The following SLC25A12 variants were observed in gnomAD, a reference collection of about 807,000 sequenced individuals.
SLC25A12 encodes the protein solute carrier family 25 member 12.
A neutral mutation model predicts 83.3 loss-of-function variants in SLC25A12; 32 were observed. That is an observed-to-expected ratio of 0.38 (90% CI 0.29 to 0.52). The LOEUF is 0.52. Among genes scored for constraint, SLC25A12 ranks in the 20% least tolerant of loss-of-function variants. The pLI is 0.84. For synonymous variants in SLC25A12, 267 were observed against 291.1 expected (o/e 0.92, Z 0.84); for missense variants, 611 against 835.6 (o/e 0.73, Z 3.31).
At position 171,793,644 on chromosome 2, in the gene SLC25A12, T is replaced by C. The variant is rs369912240; in HGVS notation, c.1429A>G (p.Ile477Val). Residue 477 changes from isoleucine to valine, a missense_variant, in exon 14 of 18, where the codon ATT becomes GTT. Ile to Val is a conservative substitution (Grantham distance 29, BLOSUM62 3). Around this residue, in one of 3 missense-constraint regions of SLC25A12, gnomAD observed 540 missense variants for 777.5 expected, o/e 0.69. Coordinates refer to ENST00000422440, the MANE Select transcript of SLC25A12 (RefSeq NM_003705.5). ...CTACCCACCTTATACAGACCAAAAA[T>C]TCCCAAGTCCCGGAGCACATTCAGG... is the stretch of plus-strand genomic sequence containing the variant. The part of the protein sequence containing the change: ...SALNVLRDLG[I>V]FGLYKGAKAC... 11 of 1,614,046 alleles carry C rather than the reference T, an allele frequency of 6.8e-6. No homozygotes were observed. The African/African-American group carries it at 1.3e-4, about 20-fold the overall frequency.
At chr2:171,850,598 C>T (rs1303120767) in intron 4 of SLC25A12, among the ~76,000 whole-genome samples, 1 of 152,118 alleles carries the variant, frequency 6.6e-6, no homozygotes, top group Non-Finnish European at 1.5e-5. Flanking sequence ...AACTCCTGAT[C>T]TTGTGATCCA....
chr2:171,856,790 C>T (rs1685056225), intron 3 of SLC25A12: 4 of 151,766 alleles, frequency 2.6e-5, no homozygotes, highest in Admixed American at 1.3e-4. Context: ...CAAGATAATC[C>T]GGGAAATGGA....
intron 9 of SLC25A12, among the ~76,000 whole-genome samples, chr2:171,816,831 T>C (rs1684059079): frequency 6.6e-6 from 1 of 152,236 alleles, no homozygotes; most frequent in African/African-American, 2.4e-5. Context: ...TAATCTCATA[T>C]ACTTTGAAGG....
intron 3 of SLC25A12, among the ~76,000 whole-genome samples, chr2:171,865,216 T>C (rs761502394): frequency 1.3e-5 from 2 of 152,254 alleles, no homozygotes; most frequent in Non-Finnish European, 2.9e-5. Context: ...GAACTCGTTC[T>C]GCTCAGATTA....
At chr2:171,789,609 G>A (rs538122320) in intron 15 of SLC25A12, among the ~76,000 whole-genome samples, 4 of 152,250 alleles carry the variant, frequency 2.6e-5, no homozygotes, top group South Asian at 2.1e-4. Flanking sequence ...CCAACACTCC[G>A]AAAAGACAAA....
At position 171,787,941 on chromosome 2, in the gene SLC25A12, G is replaced by T. The variant is rs1179949764; in HGVS notation, c.1592C>A (p.Pro531Gln). Residue 531 changes from proline (P) to glutamine (Q), a missense_variant, in exon 16 of 18, where the codon CCA becomes CAA. This residue lies in a region of SLC25A12 where 540 missense variants were observed against 777.5 expected (regional missense o/e 0.69). Coordinates refer to ENST00000422440, the MANE Select transcript of SLC25A12 (RefSeq NM_003705.5). ...LLAAGAMAGV[P>Q]AASLVTPADV... The stretch of plus-strand genomic sequence containing the variant: ...AGCAGGGGTCACCAGAGATGCAGCT[G>T]GGACACCTTTCAGGAGAAAACCACA... 1 of 1,614,058 alleles carries T rather than the reference G, an allele frequency of 6.2e-7. No individual in the cohort carries two copies. The highest frequency in any genetic ancestry group is 2.2e-5 in the East Asian group (1 of 44,902).
intron 3 of SLC25A12, among the ~76,000 whole-genome samples, chr2:171,861,676 G>A (rs747786700): frequency 1.3e-5 from 2 of 152,152 alleles, no homozygotes; most frequent in Non-Finnish European, 2.9e-5. Context: ...CCAAAGTGCT[G>A]GGATCATAGG....
chr2:171,840,019 A>C (rs1684638778), intron 5 of SLC25A12, among the ~76,000 whole-genome samples: 3 of 152,188 alleles, frequency 2.0e-5, no homozygotes, highest in Admixed American at 2.0e-4. Context: ...GAGAGGGAGA[A>C]TACTACAGTG....
At chr2:171,853,156 T>C (rs1164430083) in intron 4 of SLC25A12, among the ~76,000 whole-genome samples, 1 of 152,156 alleles carries the variant, frequency 6.6e-6, no homozygotes, top group African/African-American at 2.4e-5. Flanking sequence ...AGACTACAGG[T>C]ATGCGCCACT....
intron 3 of SLC25A12, among the ~76,000 whole-genome samples, chr2:171,867,900 AGTGGCGCAAT>A (rs1328280847): frequency 6.6e-6 from 1 of 152,188 alleles, no homozygotes; most frequent in Non-Finnish European, 1.5e-5. Context: ...GCTAGAGTGC[AGTGGCGCAAT>A]CTCGGCGCAC....
chr2:171,876,633 T>C (rs1685580926), intron 2 of SLC25A12, among the ~76,000 whole-genome samples: 1 of 151,838 alleles, frequency 6.6e-6, no homozygotes, highest in Admixed American at 6.6e-5. Flanking sequence ...GCTAAGTTTT[T>C]CAGTTTTTAT....
At chr2:171,829,601 G>A (rs546608169) in intron 8 of SLC25A12, among the ~76,000 whole-genome samples, 5 of 152,108 alleles carry the variant, frequency 3.3e-5, no homozygotes, top group Middle Eastern at 3.2e-3. Context: ...AGCAGGAGCC[G>A]AGGGGCTGGT....
At chr2:171,807,072 G>A (rs1683848833) in intron 13 of SLC25A12, among the ~76,000 whole-genome samples, 1 of 152,188 alleles carries the variant, frequency 6.6e-6, no homozygotes, top group African/African-American at 2.4e-5. Context: ...AGTGAATTAT[G>A]TTTTAACAAT....
At position 171,834,839 on chromosome 2, in the gene SLC25A12, C is replaced by T; in HGVS notation, c.639G>A (p.Gln213=). 1 of 1,613,856 alleles carries T rather than the reference C, an allele frequency of 6.2e-7. No homozygotes were observed. Among genetic ancestry groups the T allele is most frequent in the Non-Finnish European group, 8.5e-7 (1 of 1,179,918 alleles). The change falls in exon 7 of 18, where the codon CAG becomes CAA. Residue 213 remains glutamine, a synonymous_variant. Transcript: ENST00000422440. The stretch of plus-strand genomic sequence containing the variant: ...ATGCATTGAAGTAGGAGAAGCTAAC[C>T]TGGTGTGAGATACTTCCTCCAGCTG... ...VSAAGGSISH[Q]VSFSYFNAFN...
chr2:171,886,876 T>C (rs185256981), intron 2 of SLC25A12, among the ~76,000 whole-genome samples: 3 of 152,370 alleles, frequency 2.0e-5, no homozygotes, highest in Admixed American at 1.3e-4. Context: ...GAAAATACCA[T>C]TGTTTGTTCA....
chr2:171,787,461 G>GCA (rs1429156528), intron 17 of SLC25A12, 110 bp downstream of exon 17: 1 of 895,376 alleles, frequency 1.1e-6, no homozygotes, highest in African/African-American at 1.6e-5. Context: ...GGTCTTAAAG[G>GCA]TTCTGTCTTA....
At chr2:171,789,487 C>A (rs562289277) in intron 15 of SLC25A12, among the ~76,000 whole-genome samples, 2 of 152,122 alleles carry the variant, frequency 1.3e-5, no homozygotes, top group African/African-American at 4.8e-5. Context: ...CTTGGCCTCC[C>A]AAAGTGCTGG....
At chr2:171,805,787 T>C (rs1250976792) in intron 13 of SLC25A12, among the ~76,000 whole-genome samples, 1 of 152,224 alleles carries the variant, frequency 6.6e-6, no homozygotes, top group Non-Finnish European at 1.5e-5. Flanking sequence ...TCTGTAATTA[T>C]ATTGTTTGTA....
At chr2:171,801,240 T>C (rs1683703184) in intron 13 of SLC25A12, among the ~76,000 whole-genome samples, 1 of 152,158 alleles carries the variant, frequency 6.6e-6, no homozygotes, top group African/African-American at 2.4e-5. Flanking sequence ...CAAAAGGACA[T>C]CATAGAATAA....
Sources: gnomAD v4.1 joint callset for allele counts (sites outside exome capture counted in the v4.1 genomes callset) on GRCh38, gnomAD v4.1.1 for gene constraint, gnomAD v4.1.1 regional missense constraint, MANE v1.5 for transcripts, NCBI Gene and HGNC (gene_info 2026-07-23, HGNC 2026-07-21) for gene names.